The following LMF1 variants were observed in gnomAD, a reference collection of about 807,000 sequenced individuals.
The protein encoded by LMF1 is transmembrane protein 112.
Under a neutral mutation model 60.6 loss-of-function variants are expected in LMF1, and 68 were observed. The observed-to-expected ratio is 1.12, with a 90% CI of 0.92 to 1.37. The LOEUF is 1.37. Ranked by LOEUF, LMF1 falls within the 40% of genes most tolerant of loss-of-function variation. The probability of loss-of-function intolerance (pLI) is 0.00; values close to 1 mark genes in which losing one functional copy is unlikely to be tolerated. For missense variants in LMF1, 948 were observed against 767.2 expected (o/e 1.24, Z -2.78); for synonymous variants, 418 against 324.7 (o/e 1.29, Z -3.09).
At chr16:859,901 GGGTGTGCAGTGGTGTCACGGGATC>G (rs1211755660) in intron 10 of LMF1, among the ~76,000 whole-genome samples, 18 of 141,610 alleles carry the variant, frequency 1.3e-4, no homozygotes, top group Non-Finnish European at 2.4e-4. Context: ...GTCTCGGGAT[GGGTGTGCAGTGGTGTCACGGGATC>G]GGTGTGAGTG....
In LMF1 at chr16:911,213, G is replaced by A. The variant is rs1416035723; in HGVS notation, c.515-134C>T. 2.9e-5 allele frequency: 29 copies of A among 1,007,996 alleles called. No individual in the cohort carries two copies. The East Asian group carries it at 5.0e-4, about 17-fold the overall frequency. The allele number at this position is 1,007,996 out of a possible 1,614,324, so 62.4% of individuals were successfully genotyped here. A position where few individuals can be genotyped will look rare whatever the true frequency, so the allele number is the denominator to read the frequency against. On this transcript the variant is annotated intron_variant, in intron 3 of 10. Transcript: ENST00000262301. ...TCTTGCTACTGAGAGACACCAGCCC[G>A]CACGTATTAGTCTCAACATCGACAC...
At chr16:901,709 G>C (rs975087967) in intron 4 of LMF1, 17 of 152,222 alleles carry the variant, frequency 1.1e-4, no homozygotes, top group Admixed American at 3.3e-4. Context: ...ATGTAGGCTG[G>C]AGACAGCCCT....
intron 3 of LMF1, among the ~76,000 whole-genome samples, chr16:920,008 C>T (rs955650273): frequency 1.3e-5 from 2 of 152,162 alleles, no homozygotes; most frequent in African/African-American, 4.8e-5. Context: ...CCCAGCCTGT[C>T]GGCCCCCAGC....
intron 5 of LMF1, among the ~76,000 whole-genome samples, chr16:888,956 T>C (rs958831359): frequency 1.3e-5 from 2 of 152,176 alleles, no homozygotes; most frequent in East Asian, 3.8e-4. Context: ...CCTGGGATCC[T>C]GGGGGTCCTC....
upstream of LMF1, chr16:975,977 G>GCAAGGAGCCTCATGAACTCTGCGGACATT (rs141146619): frequency 4.4e-6 from 2 of 452,680 alleles, no homozygotes. Context: ...GACATTCCGG[G>GCAAGGAGCCTCATGAACTCTGCGGACATT]CAAGGGGCCT....
At chr16:907,002 C>G (rs2070988626) in intron 4 of LMF1, among the ~76,000 whole-genome samples, 1 of 152,222 alleles carries the variant, frequency 6.6e-6, no homozygotes, top group African/African-American at 2.4e-5. Flanking sequence ...TCGAGGCATA[C>G]AGGCTGCATT....
rs567912006 is a variant in LMF1, at chr16:949,542, C to A, written c.503+4815G>T. On this transcript the variant is annotated intron_variant, in intron 2 of 10. Coordinates refer to ENST00000262301, the MANE Select transcript of LMF1 (RefSeq NM_022773.4). ...GAGTCAGCCAACGACAGAGTCAGAG[C>A]CAACGACAGAGTCAGAGACAATGAC... is the stretch of plus-strand genomic sequence containing the variant. 2.0e-4 allele frequency among the ~76,000 whole-genome samples: 24 copies of A among 117,296 alleles called. 1 individual carries two copies. Among genetic ancestry groups the A allele is most frequent in the East Asian group, 5.1e-4 (2 of 3,898 alleles). 77.0% of individuals were successfully genotyped at this position (117,296 alleles called of 152,430 possible).
At chr16:896,112 CCACACGCAGG>C (rs2070653753) in intron 4 of LMF1, among the ~76,000 whole-genome samples, 1 of 55,758 alleles carries the variant, frequency 1.8e-5, no homozygotes, top group African/African-American at 1.5e-4. Context: ...GCTCAGCCAC[CCACACGCAGG>C]CTGCACGGTC....
At chr16:861,014 G>A (rs2069446703) in intron 10 of LMF1, among the ~76,000 whole-genome samples, 1 of 144,434 alleles carries the variant, frequency 6.9e-6, no homozygotes, top group African/African-American at 2.9e-5. Context: ...ACATCTTGCT[G>A]GGTTTTTTTT....
At chr16:947,963 ACG>A (rs2072285823) in intron 2 of LMF1, among the ~76,000 whole-genome samples, 1 of 151,994 alleles carries the variant, frequency 6.6e-6, no homozygotes, top group Non-Finnish European at 1.5e-5. Flanking sequence ...GTCAGAGCCA[ACG>A]ACAGAGTCAG....
chr16:857,744 C>T (rs1467206818), intron 10 of LMF1, among the ~76,000 whole-genome samples: 7 of 43,024 alleles, frequency 1.6e-4, no homozygotes, highest in Non-Finnish European at 2.3e-4. Context: ...TGTCTCGGGA[C>T]GGGTGTGCAG....
intron 2 of LMF1, among the ~76,000 whole-genome samples, chr16:945,798 C>T (rs1445625427): frequency 6.6e-6 from 1 of 152,122 alleles, no homozygotes; most frequent in Non-Finnish European, 1.5e-5. Flanking sequence ...TCAAGGAATC[C>T]ACTCACCTCT....
At position 862,737 on chromosome 16, in the gene LMF1, G is replaced by A. The variant is rs561478995; in HGVS notation, c.1529+6207C>T. 2.6e-5 allele frequency among the ~76,000 whole-genome samples: 4 copies of A among 152,064 alleles called. No individual in the cohort carries two copies. In the South Asian group the frequency reaches 8.3e-4, roughly 32 times the overall value. Reference sequence around the variant, plus strand: ...GTGAGGCGTGGTGGTGTGGGCCTGTGGTCCCAGCTACCTGGGAGGCTGAGG... The same window carrying A: ...GTGAGGCGTGGTGGTGTGGGCCTGTAGTCCCAGCTACCTGGGAGGCTGAGG... On this transcript the variant is annotated intron_variant, in intron 10 of 10. Transcript: ENST00000262301.
chr16:938,293 G>C (rs1397888075), intron 2 of LMF1, among the ~76,000 whole-genome samples: 1 of 152,134 alleles, frequency 6.6e-6, no homozygotes, highest in African/African-American at 2.4e-5. Context: ...GGATGGGGCT[G>C]GACAGTGGCT....
chr16:870,657 C>T (rs1447780116), intron 8 of LMF1, 72 bp downstream of exon 8: 3 of 1,565,812 alleles, frequency 1.9e-6, no homozygotes, highest in Admixed American at 1.7e-5. Flanking sequence ...GTAACCCCAC[C>T]TGAATGTGGC....
At chr16:964,541 T>C (rs981510759) in intron 1 of LMF1, among the ~76,000 whole-genome samples, 10 of 152,150 alleles carry the variant, frequency 6.6e-5, no homozygotes, top group Admixed American at 4.6e-4. Flanking sequence ...AAGTATTTTA[T>C]AGAAGAACTT....
intron 10 of LMF1, among the ~76,000 whole-genome samples, chr16:857,486 C>CGGGTGTGAGTGGTGT (rs1567132314): frequency 9.9e-6 from 1 of 101,120 alleles, no homozygotes; most frequent in Non-Finnish European, 2.0e-5. Flanking sequence ...AGTGGTGTCA[C>CGGGTGTGAGTGGTGT]CGGACGGGTG....
chr16:891,972 T>A (rs1008756534), intron 5 of LMF1, among the ~76,000 whole-genome samples: 1 of 152,126 alleles, frequency 6.6e-6, no homozygotes, highest in African/African-American at 2.4e-5. Context: ...AGCTCACGGG[T>A]CCTCAGCAAG....
intron 10 of LMF1, among the ~76,000 whole-genome samples, chr16:866,255 T>C (rs977525459): frequency 6.6e-6 from 1 of 152,226 alleles, no homozygotes; most frequent in African/African-American, 2.4e-5. Flanking sequence ...TCTGACCTCA[T>C]GCTGGTAGAG....
Sources: gnomAD v4.1 joint callset for allele counts (sites outside exome capture counted in the v4.1 genomes callset) on GRCh38, gnomAD v4.1.1 for gene constraint, MANE v1.5 for transcripts, NCBI Gene and HGNC (gene_info 2026-07-23, HGNC 2026-07-21) for gene names.